The following ZNF518A variants were observed in gnomAD, a reference collection of about 807,000 sequenced individuals.
The protein encoded by ZNF518A is zinc finger protein 518A.
Under a neutral mutation model 102.7 loss-of-function variants are expected in ZNF518A, and 47 were observed. That is an observed-to-expected ratio of 0.46 (90% CI 0.36 to 0.58). The LOEUF is 0.58. Ranked by LOEUF, ZNF518A falls within the 20% of genes least tolerant of loss-of-function variation. The pLI is 0.00. For synonymous variants in ZNF518A, 652 were observed against 594.6 expected (o/e 1.10, Z -1.40); for missense variants, 1,793 against 1,699.8 (o/e 1.05, Z -0.96).
At chr10:96,173,196 T>C (rs2083183463) in intron 1 of ZNF518A, among the ~76,000 whole-genome samples, 1 of 152,194 alleles carries the variant, frequency 6.6e-6, no homozygotes. Context: ...CAAGAGCTTC[T>C]AGAACCAGTC....
intron 1 of ZNF518A, among the ~76,000 whole-genome samples, chr10:96,196,639 CT>C (rs782391679): frequency 7.2e-5 from 11 of 152,156 alleles, no homozygotes; most frequent in Non-Finnish European, 8.8e-5. Flanking sequence ...ATATTTGCCC[CT>C]GGACTAAAAT....
At chr10:96,191,892 T>C in intron 1 of ZNF518A, 5 of 1,564,304 alleles carry the variant, frequency 3.2e-6, no homozygotes, top group Non-Finnish European at 4.4e-6. Context: ...ATCCAAAATA[T>C]GAAGTTTTGG....
chr10:96,204,199 C>T (rs2083735093), downstream of ZNF518A: 2 of 1,157,514 alleles, frequency 1.7e-6, no homozygotes, highest in Non-Finnish European at 2.6e-6. Flanking sequence ...TAAATCAATA[C>T]AAATGGCCAA....
intron 1 of ZNF518A, among the ~76,000 whole-genome samples, chr10:96,201,422 C>A (rs1554896120): frequency 6.6e-6 from 1 of 152,152 alleles, no homozygotes; most frequent in East Asian, 1.9e-4. Context: ...TAATGCCACT[C>A]TTTTCCCTAA....
intron 1 of ZNF518A, among the ~76,000 whole-genome samples, chr10:96,199,058 A>G (rs782758404): frequency 1.1e-4 from 17 of 152,214 alleles, no homozygotes; most frequent in Non-Finnish European, 2.5e-4. Flanking sequence ...ATTTTTCCTC[A>G]GAATCTACTA....
At chr10:96,167,318 G>C (rs2083147474), downstream of ZNF518A, among the ~76,000 whole-genome samples, 1 of 152,078 alleles carries the variant, frequency 6.6e-6, no homozygotes, top group South Asian at 2.1e-4. Flanking sequence ...TTGGCCAAGC[G>C]TGGTGGGCGC....
Position 96,161,774 on chromosome 10 carries a change from A to G in ZNF518A, c.*1000A>G, listed in dbSNP as rs2133854713. ...TCTGTATTCACTTTATTATTTGAAC[A>G]TGTCCAAATTAGGACAAAGCATTTC... On this transcript the variant is annotated 3_prime_UTR_variant, in exon 6 of 6. Transcript: ENST00000316045. 1 of 167,100 alleles carries G rather than the reference A, an allele frequency of 6.0e-6. No individual in the cohort carries two copies. The highest frequency in any genetic ancestry group is 1.9e-4 in the East Asian group (1 of 5,190). The allele number at this position is 167,100 out of a possible 1,614,324, so 10.4% of individuals were successfully genotyped here. A position where few individuals can be genotyped will look rare whatever the true frequency, so the allele number is the denominator to read the frequency against.
intron 3 of ZNF518A, among the ~76,000 whole-genome samples, chr10:96,139,721 G>T (rs2081816332): frequency 1.3e-5 from 2 of 152,194 alleles, no homozygotes; most frequent in Admixed American, 1.3e-4. Context: ...CTCAGAGGAG[G>T]GTGGTGGACA....
chr10:96,135,899 A>C (rs782423624), intron 3 of ZNF518A, among the ~76,000 whole-genome samples: 2 of 152,210 alleles, frequency 1.3e-5, no homozygotes, highest in South Asian at 4.1e-4. Context: ...CCATTTAGGA[A>C]GATTTCCTGA....
intron 3 of ZNF518A, among the ~76,000 whole-genome samples, chr10:96,137,401 C>T (rs2081654614): frequency 6.6e-6 from 1 of 152,196 alleles, no homozygotes; most frequent in South Asian, 2.1e-4. Flanking sequence ...GAGTTGTCTG[C>T]ACTGCATCAC....
chr10:96,130,480 C>T lies in ZNF518A; in HGVS notation c.-725C>T, dbSNP rs1476976783. The stretch of plus-strand genomic sequence containing the variant: ...GGAGACGGTGTGCCTCCGCGCTCCC[C>T]GCGGGGCAGCCGAACCCCGGAGGAA... On this transcript the variant is annotated 5_prime_UTR_variant, in exon 1 of 6. Coordinates refer to ENST00000316045, the MANE Select transcript of ZNF518A (RefSeq NM_001330736.2). 1.3e-5 allele frequency among the ~76,000 whole-genome samples: 2 copies of T among 152,216 alleles called. No individual in the cohort carries two copies. Among genetic ancestry groups the T allele is most frequent in the Admixed American group, 1.3e-4 (2 of 15,292 alleles).
At position 96,156,705 on chromosome 10, in the gene ZNF518A, C is replaced by T; in HGVS notation, c.383C>T (p.Thr128Ile). 1.2e-6 allele frequency: 2 copies of T among 1,613,838 alleles called. No individual in the cohort carries two copies. The highest frequency in any genetic ancestry group is 2.2e-5 in the East Asian group (1 of 44,874). The change falls in exon 6 of 6, where the codon ACT (threonine) becomes ATT (isoleucine). Residue 128 changes from threonine (T) to isoleucine (I), a missense_variant. Physicochemically the swap from Thr to Ile is moderately conservative, Grantham distance 89 (BLOSUM62 -1). Around this residue, in one of 3 missense-constraint regions of ZNF518A, gnomAD observed 1,741 missense variants for 1,622.6 expected, o/e 1.07. Transcript: ENST00000316045. The stretch of plus-strand genomic sequence containing the variant: ...AGCTGTTTAAAATGCCGAGACAACA[C>T]TCGATATAGCCCAAATGATTTGCAG... ...NFSCLKCRDN[T>I]RYSPNDLQKH... is the part of the protein sequence containing the mutation.
intron 1 of ZNF518A, among the ~76,000 whole-genome samples, chr10:96,171,319 T>C (rs2083172145): frequency 1.3e-5 from 2 of 152,146 alleles, no homozygotes; most frequent in Non-Finnish European, 2.9e-5. Context: ...CATAAATAAA[T>C]GTGTATATCT....
chr10:96,158,378 G>A lies in ZNF518A; in HGVS notation c.2056G>A (p.Val686Met). Residue 686 changes from valine to methionine, a missense_variant, in exon 6 of 6, where the codon GTG (valine) becomes ATG (methionine). Val to Met is a conservative substitution (Grantham distance 21). This residue lies in a region of ZNF518A where 1,741 missense variants were observed against 1,622.6 expected (regional missense o/e 1.07). Transcript: ENST00000316045. ...QPISESFLSLVRQESSKPDSL... is the reference protein window; with the variant it reads ...QPISESFLSLMRQESSKPDSL... ...AATTAGTGAATCATTTTTATCACTA[G>A]TGAGGCAGGAGAGCTCAAAACCAGA... 1 of 1,613,670 alleles carries A rather than the reference G, an allele frequency of 6.2e-7. No homozygotes were observed. The highest frequency in any genetic ancestry group is 2.2e-5 in the East Asian group (1 of 44,872).
chr10:96,150,783 G>A (rs1277417365), intron 3 of ZNF518A, among the ~76,000 whole-genome samples: 2 of 90,006 alleles, frequency 2.2e-5, no homozygotes, highest in Non-Finnish European at 3.9e-5. Context: ...GTCTCACTCT[G>A]TCACTCAGCC....
rs192056709 is a variant in ZNF518A, at chr10:96,156,760, A to C, written c.438A>C (p.Glu146Asp). The change falls in exon 6 of 6, where the codon GAA becomes GAC. Residue 146 changes from glutamate to aspartate, a missense_variant. Around this residue, in one of 3 missense-constraint regions of ZNF518A, gnomAD observed 1,741 missense variants for 1,622.6 expected, o/e 1.07. Transcript: ENST00000316045. Reference sequence around the variant, plus strand: ...ACTTTCAAATGTGGCACCATGGCGAATTACCTTCATATCCTTGTGAAATGT... The same window carrying C: ...ACTTTCAAATGTGGCACCATGGCGACTTACCTTCATATCCTTGTGAAATGT... Reference protein sequence around the residue: ...QKHFQMWHHGELPSYPCEMCN... With the variant: ...QKHFQMWHHGDLPSYPCEMCN... 588 of 1,613,980 alleles carry C rather than the reference A, an allele frequency of 3.6e-4. 11 individuals are homozygous for C. The South Asian group carries it at 4.2e-3, about 12-fold the overall frequency.
Position 96,158,335 on chromosome 10 carries a change from A to G in ZNF518A, c.2013A>G (p.Lys671=). 6.2e-7 allele frequency: 1 copy of G among 1,613,752 alleles called. No homozygotes were observed. The highest frequency in any genetic ancestry group is 2.2e-5 in the East Asian group (1 of 44,872). ...ENPQRESSSS[K]TVVQQPISES... ...CTCAAAGAGAATCTTCATCCAGCAA[A>G]ACAGTTGTCCAACAACCAATTAGTG... The change falls in exon 6 of 6, where the codon AAA becomes AAG. Residue 671 remains lysine (K), a synonymous_variant. Coordinates refer to ENST00000316045, the MANE Select transcript of ZNF518A (RefSeq NM_001330736.2).
At chr10:96,134,657 G>A (rs2081510979) in intron 3 of ZNF518A, among the ~76,000 whole-genome samples, 2 of 152,242 alleles carry the variant, frequency 1.3e-5, no homozygotes, top group South Asian at 4.1e-4. Flanking sequence ...AGACTGCTGT[G>A]TGATGACTGA....
rs372331121 is a variant in ZNF518A, at chr10:96,157,714, A to G, written c.1392A>G (p.Lys464=). The change falls in exon 6 of 6, where the codon AAA becomes AAG. Residue 464 remains lysine, a synonymous_variant. Coordinates refer to ENST00000316045, the MANE Select transcript of ZNF518A (RefSeq NM_001330736.2). ...QHIVLKLVPI[K]QNVCSPGSQS... is the part of the protein sequence containing the mutation. The stretch of plus-strand genomic sequence containing the variant: ...TTGTATTAAAATTGGTGCCTATCAA[A>G]CAAAATGTATGTTCACCAGGCTCAC... The G allele has an allele frequency of 6.2e-7, 1 of 1,613,968 alleles. No homozygotes were observed. Among genetic ancestry groups the G allele is most frequent in the Non-Finnish European group, 8.5e-7 (1 of 1,179,812 alleles).
Sources: allele counts gnomAD v4.1 joint callset (sites outside exome capture counted in the v4.1 genomes callset), GRCh38; gene constraint gnomAD v4.1.1; regional missense constraint gnomAD v4.1.1; transcripts MANE v1.5; gene names NCBI Gene and HGNC (gene_info 2026-07-23, HGNC 2026-07-21).